DLGAP4: variants seen among roughly 807,000 people sequenced by gnomAD.
DLGAP4 encodes disks large-associated protein 4.
In DLGAP4, 18 loss-of-function variants were observed where a neutral mutation model predicts 86.9. The ratio of observed to expected loss-of-function variants is 0.21; its 90% CI spans 0.14 to 0.31. The LOEUF (loss-of-function observed/expected upper bound fraction) is 0.31, where lower values mean the gene tolerates loss of function less well. Ranked by LOEUF, DLGAP4 falls within the 10% of genes least tolerant of loss-of-function variation. The probability of loss-of-function intolerance (pLI) is 1.00; values close to 1 mark genes in which losing one functional copy is unlikely to be tolerated. For synonymous variants in DLGAP4, 548 were observed against 574.3 expected, an observed-to-expected ratio of 0.95 and a Z score of 0.65; for missense variants, 1,085 against 1,362.6, an observed-to-expected ratio of 0.80 and a Z score of 3.21.
chr20:36,504,718 A>G (rs1313497904), intron 10 of DLGAP4, among the ~76,000 whole-genome samples: 1 of 152,234 alleles, frequency 6.6e-6, no homozygotes, highest in Non-Finnish European at 1.5e-5. Context: ...AGATGAAGTA[A>G]TATCTCATTG....
chr20:36,474,849 G>A (rs1267334365), intron 7 of DLGAP4, among the ~76,000 whole-genome samples: 1 of 152,214 alleles, frequency 6.6e-6, no homozygotes, highest in Non-Finnish European at 1.5e-5. Flanking sequence ...GCCAAGTGCT[G>A]TGCCAGGAGC....
rs11434258 is a variant in DLGAP4 at position 36,423,455 on chromosome 20, CAA to C, written c.-72-8164_-72-8163del. Among the ~76,000 whole-genome samples the C allele has an allele frequency of 1.5e-3, 25 of 16,334 alleles. No homozygotes were observed. In the South Asian group the frequency reaches 0.041, roughly 27 times the overall value. The allele number at this position is 16,334 out of a possible 152,430, so 10.7% of individuals were successfully genotyped here. On this transcript the variant is annotated intron_variant, in intron 2 of 12. Transcript: ENST00000339266. ...TGGGTGACAGAGCAAGACTCCGTCT[CAA>C]AAAAAAAAAAAAAAAAAAAAAAAAA...
Position 36,467,013 on chromosome 20 carries a change from CTCTCCTCTCT to C in DLGAP4, c.1648+20077_1648+20086del, listed in dbSNP as rs2034408551. 1.4e-4 allele frequency among the ~76,000 whole-genome samples: 18 copies of C among 126,060 alleles called. No homozygotes were observed. In the East Asian group the frequency reaches 2.4e-3, roughly 17 times the overall value. The allele number at this position is 126,060 out of a possible 152,430, so 82.7% of individuals were successfully genotyped here. A position where few individuals can be genotyped will look rare whatever the true frequency, so the allele number is the denominator to read the frequency against. On this transcript the variant is annotated intron_variant, in intron 7 of 12. Coordinates refer to ENST00000339266, the MANE Select transcript of DLGAP4 (RefSeq NM_001365621.2). ...TCTGTCTCTGTCTCTCTCTCTCTCT[CTCTCCTCTCT>C]CTCTCTCTCTCTCTCTCTCTCTCTC...
At chr20:36,400,680 G>A (rs1439416876) in intron 2 of DLGAP4, among the ~76,000 whole-genome samples, 1 of 151,998 alleles carries the variant, frequency 6.6e-6, no homozygotes, top group Non-Finnish European at 1.5e-5. Flanking sequence ...TGGGGAAGAG[G>A]CTTGCCTTTG....
intron 1 of DLGAP4, among the ~76,000 whole-genome samples, chr20:36,333,514 A>G (rs1243814294): frequency 6.6e-6 from 1 of 152,076 alleles, no homozygotes; most frequent in Non-Finnish European, 1.5e-5. Context: ...CTGGGTGGTC[A>G]TGGCTGTGCT....
At chr20:36,381,707 G>A (rs553086772) in intron 2 of DLGAP4, among the ~76,000 whole-genome samples, 8 of 152,236 alleles carry the variant, frequency 5.3e-5, no homozygotes, top group South Asian at 2.1e-4. Flanking sequence ...TCCCTTCCCC[G>A]GGCTTCCATT....
intron 1 of DLGAP4, among the ~76,000 whole-genome samples, chr20:36,332,670 A>G (rs924342031): frequency 6.6e-6 from 1 of 152,098 alleles, no homozygotes; most frequent in African/African-American, 2.4e-5. Flanking sequence ...ACTGTGCATC[A>G]TCTGTCCCGG....
At chr20:36,445,796 A>G (rs919552720) in intron 6 of DLGAP4, among the ~76,000 whole-genome samples, 2 of 152,098 alleles carry the variant, frequency 1.3e-5, no homozygotes, top group Non-Finnish European at 1.5e-5. Context: ...TCTTTGGCCA[A>G]CTGACCCCCC....
intron 2 of DLGAP4, among the ~76,000 whole-genome samples, chr20:36,410,843 C>T (rs1399225506): frequency 6.6e-6 from 1 of 152,188 alleles, no homozygotes; most frequent in South Asian, 2.1e-4. Flanking sequence ...AACATCCAAA[C>T]CATATCAGCA....
chr20:36,475,077 G>A (rs1481671107), intron 7 of DLGAP4, among the ~76,000 whole-genome samples: 1 of 152,134 alleles, frequency 6.6e-6, no homozygotes, highest in African/African-American at 2.4e-5. Flanking sequence ...CGACCCTGAG[G>A]TGGGGGTATC....
At chr20:36,487,751 A>G (rs2035479363) in intron 7 of DLGAP4, among the ~76,000 whole-genome samples, 1 of 152,146 alleles carries the variant, frequency 6.6e-6, no homozygotes, top group African/African-American at 2.4e-5. Context: ...CCAGAAGGCA[A>G]TCACTTTCTC....
chr20:36,441,959 C>A (rs1222919276), intron 5 of DLGAP4, among the ~76,000 whole-genome samples: 1 of 152,172 alleles, frequency 6.6e-6, no homozygotes, highest in African/African-American at 2.4e-5. Context: ...CCACCCGCTG[C>A]CCAGTCCCAG....
chr20:36,319,594 G>A (rs868915269), intron 1 of DLGAP4, among the ~76,000 whole-genome samples: 85 of 152,310 alleles, frequency 5.6e-4, no homozygotes, highest in African/African-American at 2.0e-3. Context: ...CTGCACAGAG[G>A]GCACAGTGCT....
intron 1 of DLGAP4, among the ~76,000 whole-genome samples, chr20:36,330,718 G>A (rs555275590): frequency 4.0e-5 from 6 of 151,846 alleles, no homozygotes; most frequent in Admixed American, 2.6e-4. Flanking sequence ...GACTATAGGC[G>A]CCCGCCACCA....
At chr20:36,318,963 G>C (rs2065139182) in intron 1 of DLGAP4, among the ~76,000 whole-genome samples, 1 of 152,218 alleles carries the variant, frequency 6.6e-6, no homozygotes, top group African/African-American at 2.4e-5. Flanking sequence ...GACCAACGAG[G>C]TGAAACCCTG....
rs151116438 is a variant in DLGAP4 at position 36,348,669 on chromosome 20, G to A, written c.-303-18376G>A. On this transcript the variant is annotated intron_variant, in intron 1 of 12. Transcript: ENST00000339266. ...CCTGACCTTGTGATCCGCCCACTTC[G>A]GCCTCCCAAAGTGCTGGGATTACAG... is the stretch of plus-strand genomic sequence containing the variant. Among the ~76,000 whole-genome samples, 1,040 of 151,868 alleles carry A rather than the reference G, an allele frequency of 6.8e-3. 16 individuals carry two copies. The highest frequency in any genetic ancestry group is 0.024 in the African/African-American group (994 of 41,418).
chr20:36,463,016 T>G (rs562755061), intron 7 of DLGAP4, among the ~76,000 whole-genome samples: 2,882 of 40,900 alleles, frequency 0.07, 82 homozygotes, highest in African/African-American at 0.19. Flanking sequence ...GGGGTGGGGG[T>G]GGGGTCAGCC....
chr20:36,461,751 G>GGCCCCCCCCCCCCC, intron 7 of DLGAP4: 2 of 618,834 alleles, frequency 3.2e-6, no homozygotes, highest in South Asian at 6.0e-5. Context: ...CCGTCCGTCC[G>GGCCCCCCCCCCCCC]CCCGCCCGCC....
chr20:36,398,966 G>A (rs1317784467), intron 2 of DLGAP4, among the ~76,000 whole-genome samples: 1 of 152,186 alleles, frequency 6.6e-6, no homozygotes. Flanking sequence ...GCTGAGGCGG[G>A]TGGATCACTT....
Sources: gnomAD v4.1 joint callset for allele counts (sites outside exome capture counted in the v4.1 genomes callset) on GRCh38, gnomAD v4.1.1 for gene constraint, MANE v1.5 for transcripts, NCBI Gene and HGNC (gene_info 2026-07-23, HGNC 2026-07-21) for gene names.